EVI5: variants seen among roughly 807,000 people sequenced by gnomAD.
The protein encoded by EVI5 is ecotropic viral integration site 5 protein homolog.
A neutral mutation model predicts 112.0 loss-of-function variants in EVI5; 73 were observed. That is an observed-to-expected ratio of 0.65 (90% CI 0.54 to 0.79). The LOEUF (loss-of-function observed/expected upper bound fraction) is 0.79, where lower values mean the gene tolerates loss of function less well. Among genes scored for constraint, EVI5 ranks in the 30% least tolerant of loss-of-function variants. The probability of loss-of-function intolerance (pLI) is 0.00; values close to 1 mark genes in which losing one functional copy is unlikely to be tolerated. For synonymous variants in EVI5, 305 were observed against 319.9 expected (o/e 0.95, Z 0.50); for missense variants, 900 against 968.8 (o/e 0.93, Z 0.94).
chr1:92,671,983 T>A (rs556271500), intron 10 of EVI5, among the ~76,000 whole-genome samples: 2 of 151,282 alleles, frequency 1.3e-5, no homozygotes, highest in South Asian at 4.2e-4. Flanking sequence ...AAAAAAAAAA[T>A]TTGTGGAGAC....
intron 2 of EVI5, among the ~76,000 whole-genome samples, chr1:92,705,820 A>T (rs1425093736): frequency 6.6e-6 from 1 of 152,250 alleles, no homozygotes; most frequent in Non-Finnish European, 1.5e-5. Context: ...ATACTAATTC[A>T]TAAAATACAA....
chr1:92,773,024 A>G (rs989261141), intron 1 of EVI5, among the ~76,000 whole-genome samples: 3 of 151,558 alleles, frequency 2.0e-5, no homozygotes, highest in Admixed American at 1.3e-4. Context: ...CCTGACCAAC[A>G]TGGAGAAACC....
At chr1:92,570,272 A>G (rs150021937) in intron 18 of EVI5, among the ~76,000 whole-genome samples, 244 of 152,308 alleles carry the variant, frequency 1.6e-3, no homozygotes, top group Non-Finnish European at 2.9e-3. Context: ...CCATTTGGAT[A>G]CATATGCTCA....
At chr1:92,752,446 A>C (rs1680329608) in intron 1 of EVI5, among the ~76,000 whole-genome samples, 1 of 152,134 alleles carries the variant, frequency 6.6e-6, no homozygotes, top group South Asian at 2.1e-4. Context: ...AAGTGCTGGG[A>C]TTACAGGCGT....
At chr1:92,733,331 C>A (rs945649787) in intron 2 of EVI5, 6 of 153,406 alleles carry the variant, frequency 3.9e-5, no homozygotes, top group East Asian at 1.9e-4. Flanking sequence ...ATTTCTTTTA[C>A]TACAATTTCT....
chr1:92,678,014 A>T (rs944390403), intron 9 of EVI5, among the ~76,000 whole-genome samples: 2 of 152,104 alleles, frequency 1.3e-5, no homozygotes, highest in African/African-American at 4.8e-5. Flanking sequence ...GTACTCATGG[A>T]CATAAAGATG....
chr1:92,765,641 T>C (rs1430454175), intron 1 of EVI5, among the ~76,000 whole-genome samples: 1 of 152,148 alleles, frequency 6.6e-6, no homozygotes, highest in African/African-American at 2.4e-5. Flanking sequence ...TATAATCAAA[T>C]TCTTTTCAAC....
intron 1 of EVI5, among the ~76,000 whole-genome samples, chr1:92,765,943 G>C (rs1050972907): frequency 3.3e-5 from 5 of 151,766 alleles, no homozygotes; most frequent in African/African-American, 1.2e-4. Flanking sequence ...AGCCAGGCAT[G>C]GTGGCATGTG....
intron 19 of EVI5, among the ~76,000 whole-genome samples, chr1:92,545,833 C>T (rs1245071922): frequency 6.6e-6 from 1 of 152,014 alleles, no homozygotes; most frequent in South Asian, 2.1e-4. Flanking sequence ...TCATACTAAT[C>T]CTTCTCAGTC....
At chr1:92,696,065 G>A (rs1670274493) in intron 6 of EVI5, among the ~76,000 whole-genome samples, 1 of 151,828 alleles carries the variant, frequency 6.6e-6, no homozygotes, top group South Asian at 2.1e-4. Context: ...CAGGCAGCTG[G>A]TACTACAGGT....
In EVI5 at chr1:92,659,880, T is replaced by C. The variant is rs556336214; in HGVS notation, c.1392+2839A>G. ...TGAATACAAAAAAATGGTGTGTATA[T>C]ACACCATGAAATATTACTCAGCCAT... On this transcript the variant is annotated intron_variant, in intron 13 of 19. Transcript: ENST00000684568. 2.0e-5 allele frequency among the ~76,000 whole-genome samples: 3 copies of C among 152,158 alleles called. No individual in the cohort carries two copies. The East Asian group carries it at 5.8e-4, about 29-fold the overall frequency.
At chr1:92,524,332 G>T (rs769800039) in intron 19 of EVI5, among the ~76,000 whole-genome samples, 2 of 152,024 alleles carry the variant, frequency 1.3e-5, no homozygotes, top group Admixed American at 6.6e-5. Context: ...TCTGATAAGG[G>T]TAAATAAATT....
intron 1 of EVI5, among the ~76,000 whole-genome samples, chr1:92,759,854 T>C (rs1432800293): frequency 7.9e-6 from 1 of 126,714 alleles, no homozygotes; most frequent in African/African-American, 3.6e-5. Flanking sequence ...CATATACAAA[T>C]ACCCTCCCCC....
At chr1:92,591,670 T>G (rs997960057) in intron 18 of EVI5, among the ~76,000 whole-genome samples, 4 of 152,070 alleles carry the variant, frequency 2.6e-5, no homozygotes, top group African/African-American at 9.7e-5. Context: ...ATGGGAGACT[T>G]TAACACCCCA....
chr1:92,544,676 A>G (rs893879427), intron 19 of EVI5, among the ~76,000 whole-genome samples: 3 of 152,216 alleles, frequency 2.0e-5, no homozygotes, highest in Non-Finnish European at 4.4e-5. Context: ...TTCAGAAATT[A>G]TAACTCCTGA....
At chr1:92,568,266 C>T (rs1669789232) in intron 18 of EVI5, among the ~76,000 whole-genome samples, 1 of 150,830 alleles carries the variant, frequency 6.6e-6, no homozygotes, top group African/African-American at 2.4e-5. Context: ...GTCCCAGCTA[C>T]CAGGGAGGGT....
intron 18 of EVI5, among the ~76,000 whole-genome samples, chr1:92,589,717 G>C (rs1330140619): frequency 6.6e-6 from 1 of 152,210 alleles, no homozygotes; most frequent in African/African-American, 2.4e-5. Flanking sequence ...AAAGGCAGCA[G>C]AAACCTCCGC....
At chr1:92,675,268 C>T (rs926340181) in intron 10 of EVI5, among the ~76,000 whole-genome samples, 5 of 152,150 alleles carry the variant, frequency 3.3e-5, no homozygotes, top group East Asian at 1.9e-4. Context: ...CGCTTGAGCG[C>T]GGGAGGTCAA....
chr1:92,760,804 C>T (rs1570818383), intron 1 of EVI5, among the ~76,000 whole-genome samples: 2 of 151,282 alleles, frequency 1.3e-5, no homozygotes, highest in South Asian at 4.2e-4. Context: ...CGCCTGTAAT[C>T]CCAGCACTTT....
Sources: gnomAD v4.1 joint callset for allele counts (sites outside exome capture counted in the v4.1 genomes callset) on GRCh38, gnomAD v4.1.1 for gene constraint, MANE v1.5 for transcripts, NCBI Gene and HGNC (gene_info 2026-07-23, HGNC 2026-07-21) for gene names.